Variants in BLOC1S5 observed in about 807,000 individuals in gnomAD.
The protein encoded by BLOC1S5 is biogenesis of lysosomal organelles complex 1 subunit 5.
BLOC1S5 carries 27 observed loss-of-function variants against 24.3 expected under a neutral mutation model. The observed-to-expected ratio is 1.11, with a 90% CI of 0.82 to 1.53. The LOEUF is 1.53. Ranked by LOEUF, BLOC1S5 falls within the 40% of genes most tolerant of loss-of-function variation. The pLI is 0.00. For synonymous variants in BLOC1S5, 84 were observed against 74.5 expected (o/e 1.13, Z -0.66); for missense variants, 239 against 229.4 (o/e 1.04, Z -0.27).
intron 2 of BLOC1S5, among the ~76,000 whole-genome samples, chr6:8,060,042 C>G (rs1764461555): frequency 6.6e-6 from 1 of 152,154 alleles, no homozygotes; most frequent in Admixed American, 6.5e-5. Context: ...ATAAGCTGTT[C>G]TGACCTGTTA....
intron 2 of BLOC1S5, among the ~76,000 whole-genome samples, chr6:8,058,136 T>G (rs1022420037): frequency 3.3e-5 from 5 of 152,096 alleles, no homozygotes; most frequent in African/African-American, 1.2e-4. Context: ...TTTGGAGTGG[T>G]AACATGCCTA....
At chr6:8,062,204 T>A (rs9405369) in intron 2 of BLOC1S5, among the ~76,000 whole-genome samples, 41,153 of 151,828 alleles carry the variant, frequency 0.27, 5,849 homozygotes, top group South Asian at 0.46. Flanking sequence ...GAGGAAAAAA[T>A]TACAGAAAAT....
intron 2 of BLOC1S5, among the ~76,000 whole-genome samples, chr6:8,044,749 G>A (rs1018136298): frequency 7.2e-5 from 11 of 152,096 alleles, no homozygotes; most frequent in African/African-American, 1.7e-4. Flanking sequence ...TTTTCCTTGC[G>A]CTAGAGATCT....
intron 2 of BLOC1S5, chr6:8,054,237 A>G (rs1177186033): frequency 2.2e-6 from 1 of 447,958 alleles, no homozygotes; most frequent in East Asian, 7.1e-5. Context: ...CAAGGCAATC[A>G]ATAAGGAAAT....
At chr6:8,056,271 T>C (rs1213623520) in intron 2 of BLOC1S5, among the ~76,000 whole-genome samples, 1 of 152,210 alleles carries the variant, frequency 6.6e-6, no homozygotes, top group East Asian at 1.9e-4. Flanking sequence ...GTGGGAATTT[T>C]GAGGTTGTCT....
At chr6:8,019,633 T>C (rs1187982935) in intron 4 of BLOC1S5, among the ~76,000 whole-genome samples, 1 of 151,440 alleles carries the variant, frequency 6.6e-6, no homozygotes, top group East Asian at 1.9e-4. Flanking sequence ...TATACATTCA[T>C]GTATTGACAA....
chr6:8,034,774 G>A (rs983145986), intron 3 of BLOC1S5, among the ~76,000 whole-genome samples: 1 of 152,068 alleles, frequency 6.6e-6, no homozygotes, highest in Non-Finnish European at 1.5e-5. Context: ...ATTTGATCCA[G>A]CAATCCCACT....
intron 4 of BLOC1S5, among the ~76,000 whole-genome samples, chr6:8,022,246 A>G (rs887142019): frequency 1.3e-5 from 2 of 149,584 alleles, no homozygotes; most frequent in South Asian, 2.2e-4. Flanking sequence ...ACTGGCATCT[A>G]GTAGGCAGAG....
At chr6:8,061,694 C>G (rs1316757416) in intron 2 of BLOC1S5, among the ~76,000 whole-genome samples, 1 of 152,212 alleles carries the variant, frequency 6.6e-6, no homozygotes. Flanking sequence ...TTGCAAAAAT[C>G]TGAAACTTAC....
chr6:8,041,638 A>ACTTTCTTTCTTT (rs200277152), intron 2 of BLOC1S5, among the ~76,000 whole-genome samples: 1 of 114,884 alleles, frequency 8.7e-6, no homozygotes, highest in Non-Finnish European at 1.7e-5. Context: ...CTTAGTAATT[A>ACTTTCTTTCTTT]CTTTCTTTCT....
At position 8,064,303 on chromosome 6, in the gene BLOC1S5, G is replaced by T; in HGVS notation, c.74C>A (p.Ser25Tyr). ...GTGCGCTGAGCCCGCAGTCCCCAGGGAGTCCCTCTTCTTGCTGCCACCGCC... is the reference window on the plus strand; with the variant it reads ...GTGCGCTGAGCCCGCAGTCCCCAGGTAGTCCCTCTTCTTGCTGCCACCGCC... The part of the protein sequence containing the change: ...APGGGSKKRD[S>Y]LGTAGSAHLI... Residue 25 changes from serine to tyrosine, a missense_variant, in exon 1 of 5, where the codon TCC becomes TAC. Ser to Tyr is a moderately radical substitution (Grantham distance 144, BLOSUM62 -2). Coordinates refer to ENST00000397457, the MANE Select transcript of BLOC1S5 (RefSeq NM_201280.3). 1 of 1,613,784 alleles carries T rather than the reference G, an allele frequency of 6.2e-7. No individual in the cohort carries two copies. Among genetic ancestry groups the T allele is most frequent in the Middle Eastern group, 1.6e-4 (1 of 6,062 alleles).
intron 4 of BLOC1S5, chr6:8,017,844 T>C (rs899372510): frequency 6.6e-6 from 1 of 152,212 alleles, no homozygotes; most frequent in African/African-American, 2.4e-5. Context: ...ACCTACGCCT[T>C]TTCTATCACA....
Position 8,054,272 on chromosome 6 carries a change from T to C in BLOC1S5, c.195+8262A>G, listed in dbSNP as rs75648425. ...TCCTACTTTTCACATACACTCACCA[T>C]CTCCTTCTATTTTCTGATAGTTACA... On this transcript the variant is annotated intron_variant, in intron 2 of 4. Transcript: ENST00000397457. 3.1e-3 allele frequency: 1,411 copies of C among 452,292 alleles called. 14 individuals are homozygous for C. The highest frequency in any genetic ancestry group is 0.026 in the African/African-American group (1,285 of 49,974). The allele number at this position is 452,292 out of a possible 1,614,324, so 28.0% of individuals were successfully genotyped here.
chr6:8,057,659 A>G (rs1355455893), intron 2 of BLOC1S5, among the ~76,000 whole-genome samples: 1 of 152,246 alleles, frequency 6.6e-6, no homozygotes, highest in Admixed American at 6.5e-5. Flanking sequence ...TAGTAATCTA[A>G]CCAAAAACAA....
rs907442763 is a variant in BLOC1S5 at position 8,056,501 on chromosome 6, C to T, written c.195+6033G>A. Among the ~76,000 whole-genome samples, 8 of 152,304 alleles carry T rather than the reference C, an allele frequency of 5.3e-5. 1 individual carries two copies. The East Asian group carries it at 9.6e-4, about 18-fold the overall frequency. ...AAAACAAAACATAAAACTATGCCCC[C>T]GCCACTGCCACCTTCTCCAGATGGT... On this transcript the variant is annotated intron_variant, in intron 2 of 4. Coordinates refer to ENST00000397457, the MANE Select transcript of BLOC1S5 (RefSeq NM_201280.3).
chr6:8,034,556 A>G, intron 3 of BLOC1S5, among the ~76,000 whole-genome samples: 1 of 152,208 alleles, frequency 6.6e-6, no homozygotes, highest in Non-Finnish European at 1.5e-5. Flanking sequence ...GCAAACCAAC[A>G]TGGCACATAT....
chr6:8,027,359 T>C, intron 3 of BLOC1S5: 1 of 456,746 alleles, frequency 2.2e-6, no homozygotes, highest in South Asian at 1.5e-5. Flanking sequence ...CAGGCACTGT[T>C]CTTGTTGGTC....
At chr6:8,040,495 A>C (rs1475668421) in intron 3 of BLOC1S5, among the ~76,000 whole-genome samples, 2 of 152,266 alleles carry the variant, frequency 1.3e-5, no homozygotes, top group Non-Finnish European at 2.9e-5. Context: ...TAAACAGTAA[A>C]GAATTATAAT....
chr6:8,044,933 T>C (rs1164957467), intron 2 of BLOC1S5, among the ~76,000 whole-genome samples: 1 of 152,046 alleles, frequency 6.6e-6, no homozygotes, highest in African/African-American at 2.4e-5. Context: ...GAAAAGAAAA[T>C]TTCATTTTCT....
Sources: gnomAD v4.1 joint callset for allele counts (sites outside exome capture counted in the v4.1 genomes callset) on GRCh38, gnomAD v4.1.1 for gene constraint, MANE v1.5 for transcripts, NCBI Gene and HGNC (gene_info 2026-07-23, HGNC 2026-07-21) for gene names.